RYK: variants seen among roughly 807,000 people sequenced by gnomAD.
RYK encodes inactive tyrosine-protein kinase RYK.
RYK carries 21 observed loss-of-function variants against 70.2 expected under a neutral mutation model. The ratio of observed to expected loss-of-function variants is 0.30; its 90% confidence interval spans 0.21 to 0.43. The LOEUF (loss-of-function observed/expected upper bound fraction) is 0.43. RYK is among the 20% of genes least tolerant of loss of function. RYK has a pLI of 1.00. For synonymous variants in RYK, 267 were observed against 278.0 expected, an observed-to-expected ratio of 0.96 and a Z score of 0.39; for missense variants, 604 against 753.3, an observed-to-expected ratio of 0.80 and a Z score of 2.32.
At chr3:134,246,486 A>G (rs2015471985) in intron 1 of RYK, among the ~76,000 whole-genome samples, 1 of 152,014 alleles carries the variant, frequency 6.6e-6, no homozygotes, top group Admixed American at 6.5e-5. Context: ...CCAACCAACC[A>G]ACCACACAAA....
At chr3:134,181,821 T>C (rs1466742473) in intron 10 of RYK, 2 of 152,178 alleles carry the variant, frequency 1.3e-5, no homozygotes, top group African/African-American at 2.4e-5. Context: ...GCTCAAAAGG[T>C]AGAAGTTTTT....
At chr3:134,216,660 G>C (rs1407266029) in intron 2 of RYK, among the ~76,000 whole-genome samples, 1 of 151,696 alleles carries the variant, frequency 6.6e-6, no homozygotes, top group Non-Finnish European at 1.5e-5. Context: ...GGGCATGGTA[G>C]CGGGCGCCTG....
chr3:134,223,880 C>T (rs1338167597), intron 1 of RYK, among the ~76,000 whole-genome samples: 1 of 152,206 alleles, frequency 6.6e-6, no homozygotes. Flanking sequence ...ATGGAGATCT[C>T]ATACCTCCTA....
intron 13 of RYK, 29 bp downstream of exon 13, chr3:134,175,580 T>C: frequency 6.3e-7 from 1 of 1,599,062 alleles, no homozygotes; most frequent in Non-Finnish European, 8.5e-7. Flanking sequence ...TTCTCTATTC[T>C]TTTGCTATCT....
At chr3:134,235,994 T>A (rs2015190470) in intron 1 of RYK, among the ~76,000 whole-genome samples, 1 of 151,404 alleles carries the variant, frequency 6.6e-6, no homozygotes. Flanking sequence ...GTCATTCCAA[T>A]GAGTGCCTTA....
intron 1 of RYK, 40 bp downstream of exon 1, chr3:134,250,383 G>T (rs1260781164): frequency 2.3e-6 from 3 of 1,309,604 alleles, no homozygotes; most frequent in Admixed American, 3.3e-5. Flanking sequence ...TGCCCCAGCC[G>T]GCCCGACCTG....
In RYK at chr3:134,229,669, G is replaced by A. The variant is rs573342019; in HGVS notation, c.233-7130C>T. Among the ~76,000 whole-genome samples, 247 of 152,162 alleles carry A rather than the reference G, an allele frequency of 1.6e-3. 3 individuals carry two copies. Among genetic ancestry groups the A allele is most frequent in the African/African-American group, 5.6e-3 (233 of 41,520 alleles). Reference sequence around the variant, plus strand: ...AACTTAGCTGGGGGAAGGGAGAGATGTTGGTTAATTTTTTTTAATGATTTG... The same window carrying A: ...AACTTAGCTGGGGGAAGGGAGAGATATTGGTTAATTTTTTTTAATGATTTG... On this transcript the variant is annotated intron_variant, in intron 1 of 14. Coordinates refer to ENST00000623711, the MANE Select transcript of RYK (RefSeq NM_002958.4).
chr3:134,177,743 A>C (rs1173522099), intron 11 of RYK, among the ~76,000 whole-genome samples, 198 bp downstream of exon 11: 1 of 151,954 alleles, frequency 6.6e-6, no homozygotes, highest in African/African-American at 2.4e-5. Flanking sequence ...CAGCATCAGC[A>C]CAGTGTAAGC....
At chr3:134,191,193 T>C (rs1417259875) in intron 8 of RYK, among the ~76,000 whole-genome samples, 2 of 152,204 alleles carry the variant, frequency 1.3e-5, no homozygotes, top group Non-Finnish European at 2.9e-5. Flanking sequence ...TTCTGTCTTC[T>C]TCTTTCAGCA....
At chr3:134,172,799 C>A (rs1013694423) in intron 13 of RYK, among the ~76,000 whole-genome samples, 3 of 152,084 alleles carry the variant, frequency 2.0e-5, no homozygotes, top group Non-Finnish European at 4.4e-5. Context: ...AAAAACAGAC[C>A]AGGACTAGTA....
intron 13 of RYK, among the ~76,000 whole-genome samples, chr3:134,161,222 G>A (rs1316506672): frequency 6.6e-6 from 1 of 152,156 alleles, no homozygotes; most frequent in African/African-American, 2.4e-5. Flanking sequence ...GACTGGAAGG[G>A]GATGAATGGA....
intron 2 of RYK, among the ~76,000 whole-genome samples, chr3:134,216,043 AAAAG>A (rs972717315): frequency 6.6e-6 from 1 of 151,176 alleles, no homozygotes. Context: ...CTCAAAAAAA[AAAAG>A]AAAAAGAAAA....
chr3:134,204,561 A>G (rs1474976163), intron 5 of RYK, among the ~76,000 whole-genome samples: 1 of 150,560 alleles, frequency 6.6e-6, no homozygotes, highest in Non-Finnish European at 1.5e-5. Flanking sequence ...CCTCAGCAAC[A>G]GGGAAAATAA....
chr3:134,176,564 C>T (rs2013105039), intron 11 of RYK, among the ~76,000 whole-genome samples: 1 of 151,388 alleles, frequency 6.6e-6, no homozygotes, highest in Non-Finnish European at 1.5e-5. Context: ...CATACTGAGG[C>T]CCTGTCTCTA....
intron 1 of RYK, among the ~76,000 whole-genome samples, chr3:134,226,510 A>C (rs1168918579): frequency 3.3e-5 from 5 of 152,286 alleles, no homozygotes; most frequent in Non-Finnish European, 5.9e-5. Flanking sequence ...CAGCAGCATC[A>C]TATTGATACA....
chr3:134,171,642 G>A (rs1479337870), intron 13 of RYK, among the ~76,000 whole-genome samples: 1 of 152,190 alleles, frequency 6.6e-6, no homozygotes, highest in Non-Finnish European at 1.5e-5. Context: ...CAAGGCAGGA[G>A]GATCGCTTGA....
intron 4 of RYK, 40 bp downstream of exon 4, chr3:134,209,655 A>C (rs2014328332): frequency 4.5e-6 from 6 of 1,336,868 alleles, no homozygotes; most frequent in Non-Finnish European, 5.9e-6. Context: ...TCACCTTCTC[A>C]CATACATGTA....
intron 13 of RYK, among the ~76,000 whole-genome samples, chr3:134,172,016 G>A (rs983690563): frequency 2.0e-5 from 3 of 152,066 alleles, no homozygotes; most frequent in African/African-American, 2.4e-5. Context: ...CAAATTACAC[G>A]AAATACTTAT....
At chr3:134,211,990 TA>T (rs907488262) in intron 2 of RYK, among the ~76,000 whole-genome samples, 1 of 152,178 alleles carries the variant, frequency 6.6e-6, no homozygotes, top group South Asian at 2.1e-4. Context: ...CTCTGGTTGA[TA>T]AATGAAAGCC....
Sources: gnomAD v4.1 joint callset for allele counts (sites outside exome capture counted in the v4.1 genomes callset) on GRCh38, gnomAD v4.1.1 for gene constraint, MANE v1.5 for transcripts, NCBI Gene and HGNC (gene_info 2026-07-23, HGNC 2026-07-21) for gene names.